Variants in SPOCK3 observed in about 807,000 individuals in gnomAD.
SPOCK3 encodes the protein testican-3.
SPOCK3 carries 30 observed loss-of-function variants against 56.6 expected under a neutral mutation model. The observed-to-expected ratio is 0.53, with a 90% confidence interval of 0.40 to 0.72. The LOEUF (loss-of-function observed/expected upper bound fraction) is 0.72. Ranked by LOEUF, SPOCK3 falls within the 30% of genes least tolerant of loss-of-function variation. SPOCK3 has a pLI of 0.00. For missense variants in SPOCK3, 527 were observed against 530.0 expected, an observed-to-expected ratio of 0.99 and a Z score of 0.06; for synonymous variants, 196 against 183.3, an observed-to-expected ratio of 1.07 and a Z score of -0.56.
intron 4 of SPOCK3, among the ~76,000 whole-genome samples, chr4:166,981,585 G>A (rs1203235306): frequency 6.6e-6 from 1 of 152,142 alleles, no homozygotes; most frequent in East Asian, 1.9e-4. Flanking sequence ...CATGCTGATT[G>A]GTCCATGGGA....
At chr4:167,057,053 A>T (rs1160460494) in intron 3 of SPOCK3, among the ~76,000 whole-genome samples, 7 of 152,184 alleles carry the variant, frequency 4.6e-5, no homozygotes, top group Admixed American at 2.0e-4. Flanking sequence ...CAGGTTACCC[A>T]CAAAGGGAAG....
chr4:166,826,769 G>A (rs1334675011), intron 6 of SPOCK3, among the ~76,000 whole-genome samples: 1 of 151,856 alleles, frequency 6.6e-6, no homozygotes, highest in Non-Finnish European at 1.5e-5. Flanking sequence ...TTCCTTTCTT[G>A]TTCTTTTCTT....
intron 6 of SPOCK3, among the ~76,000 whole-genome samples, chr4:166,867,857 C>T (rs1006165651): frequency 2.6e-5 from 4 of 151,702 alleles, no homozygotes; most frequent in African/African-American, 9.6e-5. Context: ...TAAAAATATT[C>T]TTGACTGCCA....
chr4:167,034,054 G>A (rs931174894), intron 3 of SPOCK3, among the ~76,000 whole-genome samples: 4 of 151,854 alleles, frequency 2.6e-5, no homozygotes, highest in Non-Finnish European at 5.9e-5. Flanking sequence ...CTATCTTCTT[G>A]CAGAAATATC....
intron 8 of SPOCK3, among the ~76,000 whole-genome samples, chr4:166,742,384 T>A (rs1734965908): frequency 6.6e-6 from 1 of 152,132 alleles, no homozygotes; most frequent in Non-Finnish European, 1.5e-5. Context: ...TTTAAAAGTA[T>A]AAAAGATACT....
In SPOCK3 at chr4:167,052,564, T is replaced by C. The variant is rs1487609523; in HGVS notation, c.235+9928A>G. 2.0e-5 allele frequency among the ~76,000 whole-genome samples: 3 copies of C among 152,200 alleles called. No individual in the cohort carries two copies. The South Asian group carries it at 6.2e-4, about 31-fold the overall frequency. On this transcript the variant is annotated intron_variant, in intron 3 of 10. Coordinates refer to ENST00000357545, the MANE Select transcript of SPOCK3 (RefSeq NM_001040159.2). ...GACTGAAATCACTTTCAGAAAATACTGTAATCATGTAATCATCCTTGCATG... is the reference window on the plus strand; with the variant it reads ...GACTGAAATCACTTTCAGAAAATACCGTAATCATGTAATCATCCTTGCATG...
At chr4:167,183,501 T>G (rs1009323050) in intron 2 of SPOCK3, among the ~76,000 whole-genome samples, 9 of 152,164 alleles carry the variant, frequency 5.9e-5, no homozygotes, top group African/African-American at 2.2e-4. Context: ...TCTAATGAAT[T>G]ATCTTCTTAA....
At chr4:166,837,021 G>A (rs1746690401) in intron 6 of SPOCK3, among the ~76,000 whole-genome samples, 1 of 152,130 alleles carries the variant, frequency 6.6e-6, no homozygotes, top group Non-Finnish European at 1.5e-5. Flanking sequence ...AGACCTCATT[G>A]CCATGGTTCC....
At chr4:166,972,516 G>T (rs1467869392) in intron 4 of SPOCK3, among the ~76,000 whole-genome samples, 2 of 152,004 alleles carry the variant, frequency 1.3e-5, no homozygotes, top group African/African-American at 4.8e-5. Flanking sequence ...GGGAGAAAAA[G>T]AAACAACAAA....
At chr4:166,936,172 C>T (rs1453571918) in intron 4 of SPOCK3, among the ~76,000 whole-genome samples, 8 of 152,012 alleles carry the variant, frequency 5.3e-5, no homozygotes, top group Non-Finnish European at 1.0e-4. Flanking sequence ...TCTTAGAATA[C>T]GCAATACTGA....
intron 6 of SPOCK3, among the ~76,000 whole-genome samples, chr4:166,832,547 G>C (rs1056184696): frequency 2.0e-5 from 3 of 152,118 alleles, no homozygotes; most frequent in African/African-American, 7.2e-5. Flanking sequence ...ATTCAACCCA[G>C]TAACCCCATT....
intron 6 of SPOCK3, among the ~76,000 whole-genome samples, chr4:166,857,273 G>T (rs893214892): frequency 6.6e-6 from 1 of 152,142 alleles, no homozygotes; most frequent in African/African-American, 2.4e-5. Flanking sequence ...CAGGGAATGT[G>T]GCCACCATAT....
chr4:166,771,897 T>C (rs1457082739), intron 7 of SPOCK3, among the ~76,000 whole-genome samples: 2 of 152,084 alleles, frequency 1.3e-5, no homozygotes, highest in Non-Finnish European at 2.9e-5. Context: ...GCCACTGTTA[T>C]TTCCAGTAAT....
chr4:167,046,706 C>T (rs1753765205), intron 3 of SPOCK3, among the ~76,000 whole-genome samples: 2 of 151,992 alleles, frequency 1.3e-5, no homozygotes, highest in African/African-American at 2.4e-5. Context: ...CCACCCACCT[C>T]GGCCTCCCAA....
chr4:167,072,280 T>C (rs1161072616), intron 2 of SPOCK3, among the ~76,000 whole-genome samples: 3 of 152,078 alleles, frequency 2.0e-5, no homozygotes, highest in Non-Finnish European at 4.4e-5. Context: ...CATGATGGCC[T>C]ATGGGCCAGG....
intron 7 of SPOCK3, among the ~76,000 whole-genome samples, chr4:166,763,791 T>C (rs947001903): frequency 9.9e-5 from 15 of 152,090 alleles, no homozygotes; most frequent in African/African-American, 3.6e-4. Flanking sequence ...AAGTAAAATA[T>C]AGTTAATTAA....
chr4:167,048,634 G>C (rs1753928543), intron 3 of SPOCK3, among the ~76,000 whole-genome samples: 1 of 152,136 alleles, frequency 6.6e-6, no homozygotes, highest in Admixed American at 6.5e-5. Context: ...ATGTGTAATA[G>C]AGAGAAACTT....
At chr4:166,768,691 C>A (rs1738483736) in intron 7 of SPOCK3, among the ~76,000 whole-genome samples, 1 of 152,134 alleles carries the variant, frequency 6.6e-6, no homozygotes, top group Non-Finnish European at 1.5e-5. Flanking sequence ...TGAGGAGTAT[C>A]TTTGTGGCGT....
intron 6 of SPOCK3, among the ~76,000 whole-genome samples, chr4:166,866,304 G>C (rs1463957948): frequency 6.6e-6 from 1 of 152,122 alleles, no homozygotes; most frequent in Non-Finnish European, 1.5e-5. Context: ...AGACTTAAGT[G>C]TAAAACCTAA....
Sources: allele counts gnomAD v4.1 joint callset (sites outside exome capture counted in the v4.1 genomes callset), GRCh38; gene constraint gnomAD v4.1.1; transcripts MANE v1.5; gene names NCBI Gene and HGNC (gene_info 2026-07-23, HGNC 2026-07-21).